Variants in CALCR observed in about 807,000 individuals in gnomAD.
CALCR encodes the protein calcitonin receptor.
Under a neutral mutation model 59.5 loss-of-function variants are expected in CALCR, and 47 were observed. The observed-to-expected ratio is 0.79, with a 90% confidence interval of 0.63 to 1.01. The LOEUF (loss-of-function observed/expected upper bound fraction) is 1.01. CALCR is among the 50% of genes least tolerant of loss of function. CALCR has a pLI of 0.00. For missense variants in CALCR, 566 were observed against 597.1 expected, an observed-to-expected ratio of 0.95 and a Z score of 0.54; for synonymous variants, 213 against 211.3, an observed-to-expected ratio of 1.01 and a Z score of -0.07.
intron 2 of CALCR, among the ~76,000 whole-genome samples, chr7:93,507,789 G>A (rs189635678): frequency 1.1e-3 from 163 of 151,394 alleles, no homozygotes; most frequent in Non-Finnish European, 1.9e-3. Context: ...CAGGCATGGT[G>A]GCGGGCGCCT....
intron 2 of CALCR, among the ~76,000 whole-genome samples, chr7:93,499,618 T>C (rs1422739792): frequency 6.6e-6 from 1 of 151,824 alleles, no homozygotes; most frequent in Non-Finnish European, 1.5e-5. Flanking sequence ...TTCTTTATTA[T>C]ATTGGAAAAG....
At chr7:93,453,717 A>G (rs1288087817) in intron 8 of CALCR, among the ~76,000 whole-genome samples, 2 of 152,032 alleles carry the variant, frequency 1.3e-5, no homozygotes, top group Admixed American at 1.3e-4. Flanking sequence ...GTGTAGAGGT[A>G]CCACCAAGAT....
intron 7 of CALCR, among the ~76,000 whole-genome samples, chr7:93,466,392 AT>A (rs1480109537): frequency 6.6e-6 from 1 of 151,956 alleles, no homozygotes; most frequent in Non-Finnish European, 1.5e-5. Flanking sequence ...AAATTCAAAT[AT>A]AAAAAACATT....
Position 93,434,297 on chromosome 7 carries a change from A to G in CALCR, c.1150-3T>C. 6.2e-7 allele frequency: 1 copy of G among 1,607,210 alleles called. No homozygotes were observed. Among genetic ancestry groups the G allele is most frequent in the East Asian group, 2.2e-5 (1 of 44,806 alleles). ...TAGATGGTCGCAACAAAGAAGCCCT[A>G]AAAAGGGAAGGAAAAATACAGTTGA... On this transcript the variant is annotated splice_region_variant and splice_polypyrimidine_tract_variant and intron_variant, in intron 12 of 13. Coordinates refer to ENST00000426151, the MANE Select transcript of CALCR (RefSeq NM_001742.4).
rs55879216 is a variant in CALCR, at chr7:93,554,769, G to GTATATA, written c.-27+19514_-27+19519dup. ...ATAGATGTTCAAATTGCCAGGCCAT[G>GTATATA]TATATATATATATATATATATATTA... On this transcript the variant is annotated intron_variant, in intron 2 of 13. Transcript: ENST00000426151. Among the ~76,000 whole-genome samples, 459 of 117,218 alleles carry GTATATA rather than the reference G, an allele frequency of 3.9e-3. 45 individuals are homozygous for GTATATA. The highest frequency in any genetic ancestry group is 0.017 in the African/African-American group (379 of 22,548). 76.9% of individuals were successfully genotyped at this position (117,218 alleles called of 152,430 possible). A position where few individuals can be genotyped will look rare whatever the true frequency, so the allele number is the denominator to read the frequency against.
chr7:93,432,196 A>T (rs1047771186), intron 13 of CALCR, among the ~76,000 whole-genome samples: 1 of 152,242 alleles, frequency 6.6e-6, no homozygotes, highest in Non-Finnish European at 1.5e-5. Context: ...CACTGATAAC[A>T]TACCAATCAT....
chr7:93,430,007 C>T (rs907201382), intron 13 of CALCR, among the ~76,000 whole-genome samples: 4 of 148,498 alleles, frequency 2.7e-5, no homozygotes, highest in African/African-American at 5.0e-5. Context: ...TCTCGGCTCA[C>T]TGCAAGCTCC....
At chr7:93,522,472 C>T (rs953893034) in intron 2 of CALCR, among the ~76,000 whole-genome samples, 35 of 152,132 alleles carry the variant, frequency 2.3e-4, no homozygotes, top group Middle Eastern at 3.2e-3. Context: ...GGTGTGTTCA[C>T]GTACCTACCT....
At chr7:93,477,693 A>G (rs749631790) in intron 4 of CALCR, 25 bp from the exon 5 acceptor site, 13 of 1,420,254 alleles carry the variant, frequency 9.2e-6, no homozygotes, top group Non-Finnish European at 1.2e-5. Flanking sequence ...GGAAATTGAT[A>G]TTGAAGCCTT....
At chr7:93,466,921 A>G (rs1800451992) in intron 7 of CALCR, among the ~76,000 whole-genome samples, 1 of 151,716 alleles carries the variant, frequency 6.6e-6, no homozygotes, top group Non-Finnish European at 1.5e-5. Flanking sequence ...TGGCTCTCAC[A>G]TCTCCTCACT....
intron 2 of CALCR, among the ~76,000 whole-genome samples, chr7:93,535,213 T>C (rs886916590): frequency 6.6e-6 from 1 of 151,766 alleles, no homozygotes; most frequent in African/African-American, 2.4e-5. Context: ...TTTATACTTA[T>C]GCTCTAGTTC....
At chr7:93,461,306 T>C (rs984191202) in intron 7 of CALCR, among the ~76,000 whole-genome samples, 11 of 152,154 alleles carry the variant, frequency 7.2e-5, no homozygotes, top group African/African-American at 2.7e-4. Flanking sequence ...ATGAAAAGCC[T>C]ACTGTTCATT....
intron 11 of CALCR, 118 bp downstream of exon 11, chr7:93,437,942 T>TAC: frequency 2.1e-6 from 2 of 952,652 alleles, no homozygotes; most frequent in South Asian, 3.2e-5. Context: ...TACTACAGAA[T>TAC]ACCATCAAAT....
chr7:93,476,433 G>A (rs1800667898), intron 5 of CALCR, among the ~76,000 whole-genome samples: 1 of 151,772 alleles, frequency 6.6e-6, no homozygotes, highest in African/African-American at 2.4e-5. Flanking sequence ...TGGTATGTGT[G>A]TGTATGTGTA....
At chr7:93,551,366 G>A (rs1789451967) in intron 2 of CALCR, among the ~76,000 whole-genome samples, 1 of 152,152 alleles carries the variant, frequency 6.6e-6, no homozygotes, top group East Asian at 1.9e-4. Flanking sequence ...ATATATGCAG[G>A]CAAAACTTTT....
intron 2 of CALCR, among the ~76,000 whole-genome samples, chr7:93,510,701 C>A (rs758901051): frequency 7.2e-5 from 11 of 151,828 alleles, no homozygotes; most frequent in Non-Finnish European, 1.3e-4. Context: ...GACACTGTCT[C>A]TACAAAATAA....
intron 7 of CALCR, among the ~76,000 whole-genome samples, chr7:93,467,321 A>T (rs576139103): frequency 6.6e-6 from 1 of 151,698 alleles, no homozygotes; most frequent in African/African-American, 2.4e-5. Context: ...GAAGGAGCTC[A>T]TTGTCTGTTT....
chr7:93,567,590 G>A (rs1401371097), intron 2 of CALCR, among the ~76,000 whole-genome samples: 1 of 151,604 alleles, frequency 6.6e-6, no homozygotes, highest in Admixed American at 6.6e-5. Flanking sequence ...TAGGGTACAC[G>A]TGCACAACGT....
chr7:93,448,488 G>A (rs1195919853), intron 8 of CALCR, among the ~76,000 whole-genome samples: 1 of 151,842 alleles, frequency 6.6e-6, no homozygotes, highest in East Asian at 1.9e-4. Context: ...TTGCATTTTT[G>A]TGTCCAATCC....
Sources: allele counts gnomAD v4.1 joint callset (sites outside exome capture counted in the v4.1 genomes callset), GRCh38; gene constraint gnomAD v4.1.1; transcripts MANE v1.5; gene names NCBI Gene and HGNC (gene_info 2026-07-23, HGNC 2026-07-21).